Variants in CSMD1 observed in about 807,000 individuals in gnomAD.
CSMD1 encodes CUB and sushi domain-containing protein 1.
In CSMD1, 213 loss-of-function variants were observed where a neutral mutation model predicts 417.5. The ratio of observed to expected loss-of-function variants is 0.51; its 90% CI spans 0.46 to 0.57. The LOEUF is 0.57. Among genes scored for constraint, CSMD1 ranks in the 20% least tolerant of loss-of-function variants. CSMD1 has a pLI of 0.00. For missense variants in CSMD1, 6,923 were observed against 4,529.7 expected (o/e 1.53, Z -15.17); for synonymous variants, 2,862 against 1,736.8 (o/e 1.65, Z -16.11).
chr8:4,388,494 G>C lies in CSMD1; in HGVS notation c.415+31459C>G, dbSNP rs533751721. ...ATATGTTCTCACTGATATGTGGGAG[G>C]TAAGTTGTGAGCATACAAAGGGCAT... On this transcript the variant is annotated intron_variant, in intron 3 of 69. Transcript: ENST00000635120. Among the ~76,000 whole-genome samples, 60 of 149,730 alleles carry C rather than the reference G, an allele frequency of 4.0e-4. No homozygotes were observed. The South Asian group carries it at 5.3e-3, about 13-fold the overall frequency.
intron 2 of CSMD1, among the ~76,000 whole-genome samples, chr8:4,571,195 G>C (rs1165200857): frequency 6.6e-6 from 1 of 152,030 alleles, no homozygotes; most frequent in Non-Finnish European, 1.5e-5. Flanking sequence ...GTTTGAATTT[G>C]TTTGCTCTTG....
chr8:4,457,344 G>A (rs1231699433), intron 2 of CSMD1, among the ~76,000 whole-genome samples: 3 of 152,118 alleles, frequency 2.0e-5, no homozygotes, highest in African/African-American at 4.8e-5. Flanking sequence ...ACACCGGAGA[G>A]GGGTTTGCGG....
chr8:3,924,408 T>A (rs906296554), intron 5 of CSMD1, among the ~76,000 whole-genome samples: 4 of 152,202 alleles, frequency 2.6e-5, no homozygotes, highest in Non-Finnish European at 5.9e-5. Context: ...GACATTCATT[T>A]CCCTCTCCAG....
chr8:4,064,006 T>C lies in CSMD1; in HGVS notation c.416-31907A>G, dbSNP rs186290713. Among the ~76,000 whole-genome samples, 151 of 152,238 alleles carry C rather than the reference T, an allele frequency of 9.9e-4. 1 individual carries two copies. The highest frequency in any genetic ancestry group is 3.6e-3 in the African/African-American group (149 of 41,564). ...GGGAAAATGGGGAAATGAGTGTACC[T>C]AAAGAAGCCTCAGATGCTCAACTGA... is the stretch of plus-strand genomic sequence containing the variant. On this transcript the variant is annotated intron_variant, in intron 3 of 69. Transcript: ENST00000635120.
intron 3 of CSMD1, among the ~76,000 whole-genome samples, chr8:4,330,126 T>G (rs934427165): frequency 1.3e-5 from 2 of 151,876 alleles, no homozygotes; most frequent in Non-Finnish European, 2.9e-5. Flanking sequence ...TGACTACATT[T>G]AAGACTTCAC....
chr8:3,384,774 T>A (rs1411701632), intron 18 of CSMD1, among the ~76,000 whole-genome samples: 1 of 123,234 alleles, frequency 8.1e-6, no homozygotes, highest in Non-Finnish European at 1.6e-5. Flanking sequence ...TAAATATATA[T>A]TTATATAATA....
At chr8:4,931,691 A>G (rs1002720997) in intron 1 of CSMD1, among the ~76,000 whole-genome samples, 1 of 152,248 alleles carries the variant, frequency 6.6e-6, no homozygotes, top group Non-Finnish European at 1.5e-5. Flanking sequence ...ATGTAAAGCA[A>G]AACTAACCAG....
At chr8:4,282,052 G>C (rs951700995) in intron 3 of CSMD1, among the ~76,000 whole-genome samples, 1 of 152,048 alleles carries the variant, frequency 6.6e-6, no homozygotes, top group African/African-American at 2.4e-5. Flanking sequence ...ACTTTCCCTG[G>C]GTTGTAGCAC....
intron 15 of CSMD1, among the ~76,000 whole-genome samples, chr8:3,400,522 C>T (rs1017173897): frequency 1.1e-4 from 17 of 151,764 alleles, no homozygotes; most frequent in Admixed American, 3.9e-4. Flanking sequence ...TCTTAATTTA[C>T]GTCAGGAAAC....
At chr8:4,360,464 C>T (rs1330848430) in intron 3 of CSMD1, among the ~76,000 whole-genome samples, 1 of 152,092 alleles carries the variant, frequency 6.6e-6, no homozygotes, top group Non-Finnish European at 1.5e-5. Flanking sequence ...GTTATCATAA[C>T]CTCTTTTTTC....
rs532741263 is a variant in CSMD1 at position 4,282,285 on chromosome 8, G to A, written c.415+137668C>T. ...ATGTGAACCTGTCATTTTACAGATA[G>A]AACTGATGAAGCTCAGGAACACTGG... On this transcript the variant is annotated intron_variant, in intron 3 of 69. Transcript: ENST00000635120. Among the ~76,000 whole-genome samples, 3 of 152,246 alleles carry A rather than the reference G, an allele frequency of 2.0e-5. No individual in the cohort carries two copies. The East Asian group carries it at 5.8e-4, about 29-fold the overall frequency.
intron 3 of CSMD1, among the ~76,000 whole-genome samples, chr8:4,331,242 T>C (rs937921188): frequency 1.3e-5 from 2 of 152,138 alleles, no homozygotes; most frequent in Non-Finnish European, 2.9e-5. Flanking sequence ...TGTGGGAACC[T>C]CTTTCAGAGA....
intron 1 of CSMD1, among the ~76,000 whole-genome samples, chr8:4,830,236 C>T (rs190894687): frequency 2.0e-5 from 3 of 152,310 alleles, no homozygotes; most frequent in Admixed American, 1.3e-4. Context: ...CACCTCAACC[C>T]TATGCCACAA....
chr8:4,231,150 A>C (rs764590685), intron 3 of CSMD1, among the ~76,000 whole-genome samples: 1 of 152,208 alleles, frequency 6.6e-6, no homozygotes, highest in Admixed American at 6.5e-5. Context: ...AACTAACAGG[A>C]TATTGATATA....
chr8:4,640,417 G>C (rs747998810), intron 1 of CSMD1, among the ~76,000 whole-genome samples: 4 of 152,092 alleles, frequency 2.6e-5, no homozygotes, highest in Admixed American at 1.3e-4. Flanking sequence ...TGTTTGATTG[G>C]TGTAAGCCTA....
intron 2 of CSMD1, among the ~76,000 whole-genome samples, chr8:4,570,663 G>C (rs1394871491): frequency 2.0e-5 from 3 of 152,184 alleles, no homozygotes; most frequent in Non-Finnish European, 2.9e-5. Flanking sequence ...CTCATAAAAT[G>C]AGTTAAGGAG....
intron 2 of CSMD1, among the ~76,000 whole-genome samples, chr8:4,591,682 C>G (rs2617086): frequency 3.8e-4 from 58 of 151,984 alleles, no homozygotes; most frequent in African/African-American, 1.4e-3. Flanking sequence ...TTGGAACAGG[C>G]CTGAATTTTA....
chr8:3,354,917 G>GTCTATTTATAGA (rs1808670158), intron 21 of CSMD1, among the ~76,000 whole-genome samples: 1 of 142,068 alleles, frequency 7.0e-6, no homozygotes, highest in African/African-American at 2.7e-5. Flanking sequence ...CTATAGATAT[G>GTCTATTTATAGA]TCTATCTATA....
chr8:3,385,962 A>G (rs1248439762), intron 18 of CSMD1, among the ~76,000 whole-genome samples: 1 of 152,160 alleles, frequency 6.6e-6, no homozygotes, highest in Non-Finnish European at 1.5e-5. Context: ...GTCGTGAAAT[A>G]GAAGAGGAAT....
Sources: gnomAD v4.1 joint callset for allele counts (sites outside exome capture counted in the v4.1 genomes callset) on GRCh38, gnomAD v4.1.1 for gene constraint, MANE v1.5 for transcripts, NCBI Gene and HGNC (gene_info 2026-07-23, HGNC 2026-07-21) for gene names.